Variants in RAB3GAP1 observed in about 807,000 individuals in gnomAD.
RAB3GAP1 encodes the protein rab3 GTPase-activating protein catalytic subunit.
In RAB3GAP1, 86 loss-of-function variants were observed where a neutral mutation model predicts 130.7. The ratio of observed to expected loss-of-function variants is 0.66; its 90% CI spans 0.55 to 0.79. The LOEUF (loss-of-function observed/expected upper bound fraction) is 0.79, where lower values mean the gene tolerates loss of function less well. Ranked by LOEUF, RAB3GAP1 falls within the 30% of genes least tolerant of loss-of-function variation. RAB3GAP1 has a pLI of 0.00. For synonymous variants in RAB3GAP1, 367 were observed against 401.7 expected, an observed-to-expected ratio of 0.91 and a Z score of 1.03; for missense variants, 1,029 against 1,169.4, an observed-to-expected ratio of 0.88 and a Z score of 1.75.
intron 5 of RAB3GAP1, among the ~76,000 whole-genome samples, chr2:135,105,898 G>A (rs1690591368): frequency 6.6e-6 from 1 of 152,064 alleles, no homozygotes; most frequent in African/African-American, 2.4e-5. Context: ...CATCTGGGAG[G>A]TGAGGAGCAT....
In RAB3GAP1 at chr2:135,163,015, A is replaced by C; in HGVS notation, c.2520A>C (p.Glu840Asp). The C allele has an allele frequency of 6.2e-7, 1 of 1,613,922 alleles. No individual in the cohort carries two copies. The highest frequency in any genetic ancestry group is 1.7e-4 in the Middle Eastern group (1 of 6,060). Residue 840 changes from glutamate (E) to aspartate (D), a missense_variant, in exon 22 of 24, where the codon GAA becomes GAC. By Grantham distance (45) the Glu-to-Asp change is conservative. Transcript: ENST00000264158. ...TCATTCACCAGATTACTAATGTGGAAGCTCTCATTGCCAGAGCTCGGTCAC... is the reference window on the plus strand; with the variant it reads ...TCATTCACCAGATTACTAATGTGGACGCTCTCATTGCCAGAGCTCGGTCAC... ...EEIIHQITNV[E>D]ALIARARSLK...
chr2:135,101,331 G>T (rs1379128806), intron 5 of RAB3GAP1, among the ~76,000 whole-genome samples: 1 of 152,054 alleles, frequency 6.6e-6, no homozygotes, highest in East Asian at 1.9e-4. Flanking sequence ...ATTTAAATTT[G>T]AATTTTAAAA....
At chr2:135,136,616 A>T (rs1691686211) in intron 17 of RAB3GAP1, 1 of 791,176 alleles carries the variant, frequency 1.3e-6, no homozygotes, top group Non-Finnish European at 1.8e-6. Flanking sequence ...TGTTTAAAAA[A>T]GAAAATCCAA....
intron 18 of RAB3GAP1, among the ~76,000 whole-genome samples, chr2:135,152,028 A>G (rs902621202): frequency 6.6e-6 from 1 of 152,246 alleles, no homozygotes; most frequent in Admixed American, 6.5e-5. Flanking sequence ...CTTACATGAC[A>G]TTGTTTTAAC....
chr2:135,112,548 G>A (rs1001823726), intron 5 of RAB3GAP1, among the ~76,000 whole-genome samples: 1 of 152,074 alleles, frequency 6.6e-6, no homozygotes, highest in African/African-American at 2.4e-5. Context: ...GCAGCAGGCC[G>A]AGGCATCAGA....
rs189445770 is a variant in RAB3GAP1 at position 135,075,451 on chromosome 2, T to G, written c.151-15547T>G. Among the ~76,000 whole-genome samples the G allele has an allele frequency of 1.1e-3, 169 of 152,332 alleles. 1 individual carries two copies. Among genetic ancestry groups the G allele is most frequent in the Middle Eastern group, 6.8e-3 (2 of 294 alleles). ...ATTACAGTTATCTTTTTTTAAAAAC[T>G]GTATCTTGGCATGTTTGCAAGATAG... On this transcript the variant is annotated intron_variant, in intron 3 of 23. Coordinates refer to ENST00000264158, the MANE Select transcript of RAB3GAP1 (RefSeq NM_012233.3).
intron 11 of RAB3GAP1, among the ~76,000 whole-genome samples, chr2:135,127,928 C>T (rs569514514): frequency 1.4e-4 from 22 of 152,188 alleles, no homozygotes; most frequent in African/African-American, 5.1e-4. Context: ...TGTGCCTTGT[C>T]ATCTTTTTCC....
intron 18 of RAB3GAP1, among the ~76,000 whole-genome samples, chr2:135,150,795 A>G (rs773625926): frequency 1.3e-5 from 2 of 152,216 alleles, no homozygotes; most frequent in Non-Finnish European, 2.9e-5. Context: ...AGCCAATTTA[A>G]TGGAAGACTT....
At chr2:135,120,707 G>C in intron 7 of RAB3GAP1, 112 bp from the exon 8 acceptor site, 1 of 812,820 alleles carries the variant, frequency 1.2e-6, no homozygotes, top group Non-Finnish European at 2.2e-6. Context: ...TGAAAATCCA[G>C]GTTTCATAAA....
Position 135,162,371 on chromosome 2 carries a change from T to A in RAB3GAP1, c.2290-184T>A. The A allele has an allele frequency of 6.4e-6, 4 of 627,994 alleles. No individual in the cohort carries two copies. In the South Asian group the frequency reaches 7.5e-5, roughly 12 times the overall value. 38.9% of individuals were successfully genotyped at this position (627,994 alleles called of 1,614,324 possible). On this transcript the variant is annotated intron_variant, in intron 19 of 23. Transcript: ENST00000264158. ...AAAAAAATAGAATATTTATAATTAT[T>A]AAAGATTGAAGTTCTTAGGTGCTTT...
chr2:135,065,753 C>T (rs972877572), intron 3 of RAB3GAP1, among the ~76,000 whole-genome samples: 6 of 149,700 alleles, frequency 4.0e-5, no homozygotes, highest in Non-Finnish European at 5.9e-5. Flanking sequence ...ATTTCTAATA[C>T]GGGATCTTCA....
chr2:135,057,313 A>G (rs762716006), intron 2 of RAB3GAP1, among the ~76,000 whole-genome samples: 2 of 152,134 alleles, frequency 1.3e-5, no homozygotes, highest in African/African-American at 2.4e-5. Flanking sequence ...GGGGGGGTAA[A>G]TCGGAATTCC....
chr2:135,148,160 G>A (rs962380944), intron 17 of RAB3GAP1, among the ~76,000 whole-genome samples: 7 of 151,930 alleles, frequency 4.6e-5, no homozygotes, highest in African/African-American at 1.7e-4. Context: ...CTTATTTTAA[G>A]GTTAATTTTA....
chr2:135,084,281 C>G (rs562505568), intron 3 of RAB3GAP1, among the ~76,000 whole-genome samples: 2 of 152,320 alleles, frequency 1.3e-5, no homozygotes, highest in South Asian at 4.1e-4. Flanking sequence ...GGGTTGTCTT[C>G]TCCTTATCCA....
chr2:135,057,219 A>G (rs1689038713), intron 2 of RAB3GAP1, among the ~76,000 whole-genome samples: 1 of 152,048 alleles, frequency 6.6e-6, no homozygotes, highest in Non-Finnish European at 1.5e-5. Context: ...TTTACTTGCA[A>G]TTTCTTGTCA....
At chr2:135,151,411 T>G (rs1299566189) in intron 18 of RAB3GAP1, among the ~76,000 whole-genome samples, 1 of 152,232 alleles carries the variant, frequency 6.6e-6, no homozygotes, top group Non-Finnish European at 1.5e-5. Context: ...GAAACACCTG[T>G]GTATTATTTT....
chr2:135,156,559 C>T (rs1468902220), intron 19 of RAB3GAP1, among the ~76,000 whole-genome samples: 2 of 152,096 alleles, frequency 1.3e-5, no homozygotes, highest in South Asian at 2.1e-4. Flanking sequence ...AATTGTATCT[C>T]TATTTATGCT....
At chr2:135,166,302 C>T (rs1208385756) in intron 23 of RAB3GAP1, among the ~76,000 whole-genome samples, 7 of 152,138 alleles carry the variant, frequency 4.6e-5, no homozygotes, top group Admixed American at 4.6e-4. Context: ...TCCTTACCCC[C>T]TCTACTGACT....
rs1690212399 is a variant in RAB3GAP1 at position 135,093,692 on chromosome 2, T to C, written c.361T>C (p.Trp121Arg). The C allele has an allele frequency of 2.5e-6, 4 of 1,605,580 alleles. No homozygotes were observed. Among genetic ancestry groups the C allele is most frequent in the African/African-American group, 2.7e-5 (2 of 74,706 alleles). Residue 121 changes from tryptophan to arginine, a missense_variant and splice_region_variant, in exon 5 of 24, where the codon TGG becomes CGG. Physicochemically the swap from Trp to Arg is moderately radical, Grantham distance 101 (BLOSUM62 -3). Around this residue, in one of 3 missense-constraint regions of RAB3GAP1, gnomAD observed 510 missense variants for 532.1 expected, o/e 0.96. Coordinates refer to ENST00000264158, the MANE Select transcript of RAB3GAP1 (RefSeq NM_012233.3). ...FPPRAHCLVRWYGLREFVVIA... is the reference protein window; with the variant it reads ...FPPRAHCLVRRYGLREFVVIA... The stretch of plus-strand genomic sequence containing the variant: ...TCCAAGAGCACATTGCCTGGTAAGA[T>C]GGTAGGTATATCTTTTACTCAGTAT...
Sources: allele counts gnomAD v4.1 joint callset (sites outside exome capture counted in the v4.1 genomes callset), GRCh38; gene constraint gnomAD v4.1.1; regional missense constraint gnomAD v4.1.1; transcripts MANE v1.5; gene names NCBI Gene and HGNC (gene_info 2026-07-23, HGNC 2026-07-21).